AGAP3: variants seen among roughly 807,000 people sequenced by gnomAD.
AGAP3 encodes arf-GAP with GTPase, ANK repeat and PH domain-containing protein 3.
In AGAP3, 24 loss-of-function variants were observed where a neutral mutation model predicts 96.9. The ratio of observed to expected loss-of-function variants is 0.25; its 90% CI spans 0.18 to 0.35. The LOEUF (loss-of-function observed/expected upper bound fraction) is 0.35, where lower values mean the gene tolerates loss of function less well. AGAP3 is among the 10% of genes least tolerant of loss of function. AGAP3 has a pLI of 1.00. For synonymous variants in AGAP3, 563 were observed against 536.1 expected (o/e 1.05, Z -0.69); for missense variants, 876 against 1,254.2 (o/e 0.70, Z 4.55).
intron 10 of AGAP3, among the ~76,000 whole-genome samples, chr7:151,129,225 C>T (rs974019785): frequency 2.0e-5 from 3 of 152,070 alleles, no homozygotes; most frequent in Admixed American, 6.5e-5. Flanking sequence ...CCTCCCCTCC[C>T]CTCACCGCGT....
At chr7:151,115,516 C>T (rs999613152) in intron 1 of AGAP3, 4 of 1,037,898 alleles carry the variant, frequency 3.9e-6, no homozygotes, top group Non-Finnish European at 4.6e-6. Context: ...CCCGGCCGCC[C>T]CCGCACCGCC....
chr7:151,107,524 T>C (rs1245834819), intron 1 of AGAP3, among the ~76,000 whole-genome samples: 4 of 151,696 alleles, frequency 2.6e-5, no homozygotes, highest in Admixed American at 1.3e-4. Context: ...CTTAGGAGGC[T>C]GAGGCGGGAG....
intron 9 of AGAP3, among the ~76,000 whole-genome samples, 160 bp downstream of exon 9, chr7:151,124,046 G>A (rs1394480866): frequency 6.6e-6 from 1 of 152,226 alleles, no homozygotes; most frequent in African/African-American, 2.4e-5. Flanking sequence ...TGGCTCTCCA[G>A]TGAGAAGCCA....
chr7:151,093,662 C>T (rs183789454), intron 1 of AGAP3, among the ~76,000 whole-genome samples: 4 of 152,238 alleles, frequency 2.6e-5, no homozygotes, highest in Admixed American at 6.5e-5. Context: ...TCGCAGCAAA[C>T]GTGGGATTGT....
chr7:151,122,548 C>G (rs992666426), intron 8 of AGAP3, among the ~76,000 whole-genome samples: 5 of 151,632 alleles, frequency 3.3e-5, no homozygotes, highest in Non-Finnish European at 5.9e-5. Flanking sequence ...CCTCCTCCTT[C>G]TCCTCCTCCT....
At chr7:151,132,737 T>A (rs1399504040) in intron 10 of AGAP3, among the ~76,000 whole-genome samples, 2 of 152,242 alleles carry the variant, frequency 1.3e-5, no homozygotes, top group African/African-American at 4.8e-5. Context: ...GGCTGGTGTT[T>A]GGCGCCTCTT....
rs761773130 is a variant in AGAP3, at chr7:151,143,785, G to A, written c.2578G>A (p.Ala860Thr). 5 of 1,614,132 alleles carry A rather than the reference G, an allele frequency of 3.1e-6. No individual in the cohort carries two copies. Among genetic ancestry groups the A allele is most frequent in the Non-Finnish European group, 4.2e-6 (5 of 1,180,042 alleles). Residue 860 changes from alanine (A) to threonine (T), a missense_variant, in exon 18 of 18, where the codon GCA becomes ACA. This residue lies in a region of AGAP3 where 213 missense variants were observed against 253.8 expected (regional missense o/e 0.84). Transcript: ENST00000397238. This position sits in a 1 kb window ranked among gnomAD's most constrained non-coding sequence, Gnocchi z 5.9. ...GGACGCCCGGGGCCTGACTCCACTG[G>A]CATATGCTCGCCGGGCCGGCAGCCA... Reference protein sequence around the residue: ...SRDARGLTPLAYARRAGSQEC... With the variant: ...SRDARGLTPLTYARRAGSQEC...
At position 151,124,877 on chromosome 7, in the gene AGAP3, C is replaced by T. The variant is rs550920618; in HGVS notation, c.1221+991C>T. On this transcript the variant is annotated intron_variant, in intron 9 of 17. Transcript: ENST00000397238. ...GGCAGGGTCCCACAGGGTCCCATGCCGTGATCCGTATTGTTTCCACTCACC... is the reference window on the plus strand; with the variant it reads ...GGCAGGGTCCCACAGGGTCCCATGCTGTGATCCGTATTGTTTCCACTCACC... 1.5e-4 allele frequency among the ~76,000 whole-genome samples: 23 copies of T among 152,278 alleles called. 1 individual carries two copies. In the South Asian group the frequency reaches 4.1e-3, roughly 27 times the overall value.
Position 151,123,734 on chromosome 7 carries a change from G to A in AGAP3, c.1129-60G>A. The A allele has an allele frequency of 3.1e-6, 5 of 1,597,478 alleles. No individual in the cohort carries two copies. The South Asian group carries it at 4.4e-5, about 14-fold the overall frequency. ...GGCAGGAGGGAGGCCGGGAAGTCCA[G>A]GTGGGCAGCTCTCGGCAGACCCTGG... On this transcript the variant is annotated intron_variant, in intron 8 of 17. Transcript: ENST00000397238.
chr7:151,137,913 T>G (rs963189841), intron 11 of AGAP3: 7 of 542,256 alleles, frequency 1.3e-5, no homozygotes, highest in African/African-American at 1.9e-5. Flanking sequence ...CGGACCACAG[T>G]GAGGGGACAG....
intron 8 of AGAP3, among the ~76,000 whole-genome samples, chr7:151,122,518 C>T (rs968981541): frequency 6.6e-5 from 10 of 151,940 alleles, no homozygotes; most frequent in South Asian, 6.3e-4. Flanking sequence ...CCGCCGCCGC[C>T]GCCTCCTCCT....
At chr7:151,119,053 A>ATACGGC in intron 7 of AGAP3, 1 of 222,002 alleles carries the variant, frequency 4.5e-6, no homozygotes, top group South Asian at 8.8e-5. Flanking sequence ...TGCATTTCAG[A>ATACGGC]GACCCTTCCC....
At chr7:151,120,891 C>T (rs1585082077) in intron 8 of AGAP3, 1 of 1,096,488 alleles carries the variant, frequency 9.1e-7, no homozygotes, top group Non-Finnish European at 1.1e-6. Context: ...CAATGTGCGA[C>T]ACACAGTGCC....
chr7:151,114,869 C>T lies in AGAP3; in HGVS notation c.332-1924C>T, dbSNP rs1323517024. On this transcript the variant is annotated intron_variant, in intron 1 of 17. Coordinates refer to ENST00000397238, the MANE Select transcript of AGAP3 (RefSeq NM_031946.7). The surrounding 1 kb of genome is among the most constrained non-coding windows in gnomAD (Gnocchi z 4.4). ...TCTGCGACTCGCTGGACCTGCACGG[C>T]GCCTCGGCCGGCCGCGCTGCCGCCG... is the stretch of plus-strand genomic sequence containing the variant. The T allele has an allele frequency of 9.8e-7, 1 of 1,016,114 alleles. No homozygotes were observed. Among genetic ancestry groups the T allele is most frequent in the African/African-American group, 1.7e-5 (1 of 57,308 alleles). 62.9% of individuals were successfully genotyped at this position (1,016,114 alleles called of 1,614,324 possible). A position where few individuals can be genotyped will look rare whatever the true frequency, so the allele number is the denominator to read the frequency against.
intron 4 of AGAP3, 56 bp from the exon 5 acceptor site, chr7:151,117,580 G>C: frequency 5.0e-6 from 8 of 1,612,088 alleles, no homozygotes; most frequent in Non-Finnish European, 6.8e-6. Flanking sequence ...CACCTGCCCT[G>C]CATGGGAGTT....
intron 1 of AGAP3, among the ~76,000 whole-genome samples, chr7:151,087,543 C>G (rs1006535552): frequency 1.1e-4 from 16 of 152,196 alleles, no homozygotes; most frequent in African/African-American, 3.4e-4. Context: ...CCGCGGCGCC[C>G]TCTCCCGACG....
chr7:151,122,642 G>C (rs944189567), intron 8 of AGAP3: 2 of 1,558,494 alleles, frequency 1.3e-6, no homozygotes, highest in African/African-American at 2.7e-5. Context: ...AGGCGCCTGG[G>C]TCTCTGCCCT....
intron 1 of AGAP3, chr7:151,115,618 CG>C: frequency 8.6e-7 from 1 of 1,167,882 alleles, no homozygotes; most frequent in East Asian, 3.9e-5. Flanking sequence ...GCTGCGGCCC[CG>C]GAGCTCCTGC....
chr7:151,120,400 G>A (rs369072882), intron 8 of AGAP3: 22 of 667,592 alleles, frequency 3.3e-5, no homozygotes, highest in South Asian at 1.3e-4. Context: ...GCCCTCTGCC[G>A]CACACACTCA....
Sources: allele counts gnomAD v4.1 joint callset (sites outside exome capture counted in the v4.1 genomes callset), GRCh38; gene constraint gnomAD v4.1.1; regional missense constraint gnomAD v4.1.1; non-coding constraint Gnocchi (gnomAD v3.1); transcripts MANE v1.5; gene names NCBI Gene and HGNC (gene_info 2026-07-23, HGNC 2026-07-21).